Variants in CACNA1D observed in about 807,000 individuals in gnomAD.
CACNA1D encodes the protein calcium voltage-gated channel subunit alpha1 D, also known as voltage-dependent L-type calcium channel subunit alpha-1D.
Under a neutral mutation model 257.1 loss-of-function variants are expected in CACNA1D, and 55 were observed. The observed-to-expected ratio is 0.21, with a 90% confidence interval of 0.17 to 0.27. The LOEUF (loss-of-function observed/expected upper bound fraction) is 0.27, where lower values mean the gene tolerates loss of function less well. Ranked by LOEUF, CACNA1D falls within the 10% of genes least tolerant of loss-of-function variation. The pLI, the probability that CACNA1D is intolerant of heterozygous loss-of-function variation, is 1.00. For missense variants in CACNA1D, 1,876 were observed against 2,784.0 expected (o/e 0.67, Z 7.34); for synonymous variants, 980 against 1,014.9 (o/e 0.97, Z 0.65).
Position 53,619,124 on chromosome 3 carries a change from A to G in CACNA1D, c.484-31655A>G, listed in dbSNP as rs554902056. Among the ~76,000 whole-genome samples the G allele has an allele frequency of 2.6e-5, 4 of 152,292 alleles. No individual in the cohort carries two copies. In the South Asian group the frequency reaches 8.3e-4, roughly 32 times the overall value. ...ACAGTAGGTCCATTGGGCAGAAACC[A>G]CACCAATAAAACGGGCACACCCCAC... On this transcript the variant is annotated intron_variant, in intron 3 of 47. Coordinates refer to ENST00000350061, the MANE Select transcript of CACNA1D (RefSeq NM_001128840.3).
intron 30 of CACNA1D, 72 bp downstream of exon 30, chr3:53,762,153 C>T: frequency 2.1e-6 from 2 of 938,638 alleles, no homozygotes; most frequent in South Asian, 2.6e-5. Flanking sequence ...GCTCCCTGCC[C>T]TGCAGTGGCA....
chr3:53,549,661 AC>A (rs1339851307), intron 3 of CACNA1D, among the ~76,000 whole-genome samples: 1 of 152,232 alleles, frequency 6.6e-6, no homozygotes, highest in Non-Finnish European at 1.5e-5. Flanking sequence ...ACCCTAACTT[AC>A]AAGTTTCTTT....
chr3:53,713,543 T>TGTGAGAGAGAGA, intron 9 of CACNA1D, among the ~76,000 whole-genome samples: 1 of 121,010 alleles, frequency 8.3e-6, no homozygotes, highest in South Asian at 2.4e-4. Context: ...TGTGTGTGTG[T>TGTGAGAGAGAGA]GAGAGATTTG....
At chr3:53,760,128 G>T (rs1033952765) in intron 29 of CACNA1D, among the ~76,000 whole-genome samples, 26 of 152,126 alleles carry the variant, frequency 1.7e-4, no homozygotes, top group African/African-American at 6.0e-4. Flanking sequence ...TGGAGAGTTG[G>T]TTAGAAACCA....
chr3:53,723,967 A>G lies in CACNA1D; in HGVS notation c.2068A>G (p.Asn690Asp). 6.2e-7 allele frequency: 1 copy of G among 1,614,112 alleles called. No homozygotes were observed. Among genetic ancestry groups the G allele is most frequent in the Non-Finnish European group, 8.5e-7 (1 of 1,180,022 alleles). ...ETQTKRSTFD[N>D]FPQALLTVFQ... Reference sequence around the variant, plus strand: ...GCAAACCAAGCGGAGCACCTTTGACAATTTCCCTCAAGCACTTCTCACAGT... The same window carrying G: ...GCAAACCAAGCGGAGCACCTTTGACGATTTCCCTCAAGCACTTCTCACAGT... The change falls in exon 14 of 48, where the codon AAT (asparagine) becomes GAT (aspartate). Residue 690 changes from asparagine (N) to aspartate (D), a missense_variant. Physicochemically the swap from Asn to Asp is conservative, Grantham distance 23 (BLOSUM62 1). Transcript: ENST00000350061. This position sits in a 1 kb window ranked among gnomAD's most constrained non-coding sequence, Gnocchi z 5.6.
intron 4 of CACNA1D, among the ~76,000 whole-genome samples, chr3:53,657,742 C>G (rs1035622961): frequency 6.6e-6 from 1 of 152,230 alleles, no homozygotes. Flanking sequence ...CTACTCACTA[C>G]AGTTTCCAAC....
intron 3 of CACNA1D, among the ~76,000 whole-genome samples, chr3:53,557,275 A>G (rs2092662424): frequency 6.6e-6 from 1 of 152,058 alleles, no homozygotes; most frequent in African/African-American, 2.4e-5. Context: ...AGGGCGGGTC[A>G]CCTGAGGTCG....
At chr3:53,620,923 T>C (rs2093690188) in intron 3 of CACNA1D, among the ~76,000 whole-genome samples, 1 of 152,196 alleles carries the variant, frequency 6.6e-6, no homozygotes, top group African/African-American at 2.4e-5. Flanking sequence ...GAAGAAGGGA[T>C]GTGCCTGTCC....
intron 7 of CACNA1D, among the ~76,000 whole-genome samples, chr3:53,669,141 G>C (rs1028150296): frequency 3.3e-5 from 5 of 152,226 alleles, no homozygotes; most frequent in East Asian, 1.9e-4. Context: ...AAACACATCA[G>C]GATTGTTTTT....
chr3:53,652,056 C>T (rs1370770521), intron 4 of CACNA1D, among the ~76,000 whole-genome samples: 1 of 152,122 alleles, frequency 6.6e-6, no homozygotes, highest in African/African-American at 2.4e-5. Context: ...TCATTTAAGG[C>T]ATCATTGCAA....
In CACNA1D at chr3:53,548,911, G is replaced by C. The variant is rs959431363; in HGVS notation, c.483+47191G>C. ...CATATTCTCCTTGCCTGGAATACAG[G>C]AAATGAATTCAACATTCATTCATTG... On this transcript the variant is annotated intron_variant, in intron 3 of 47. Transcript: ENST00000350061. Among the ~76,000 whole-genome samples the C allele has an allele frequency of 2.0e-5, 3 of 152,162 alleles. No homozygotes were observed. The South Asian group carries it at 6.2e-4, about 32-fold the overall frequency.
chr3:53,672,897 T>A, intron 7 of CACNA1D, 126 bp from the exon 8 acceptor site: 1 of 676,020 alleles, frequency 1.5e-6, no homozygotes, highest in South Asian at 1.7e-5. Context: ...TGGCTACTGT[T>A]GTTTCTGATT....
intron 37 of CACNA1D, among the ~76,000 whole-genome samples, chr3:53,779,523 G>T (rs2095415363): frequency 6.6e-6 from 1 of 152,198 alleles, no homozygotes; most frequent in Non-Finnish European, 1.5e-5. Context: ...AAGCCCCATG[G>T]TCTGCCATCT....
At chr3:53,755,740 G>A (rs1039128209) in intron 29 of CACNA1D, among the ~76,000 whole-genome samples, 14 of 152,086 alleles carry the variant, frequency 9.2e-5, no homozygotes, top group African/African-American at 3.4e-4. Context: ...TATATCGTGT[G>A]CCGGGATGAG....
chr3:53,756,006 C>T (rs1468391446), intron 29 of CACNA1D, among the ~76,000 whole-genome samples: 1 of 152,146 alleles, frequency 6.6e-6, no homozygotes, highest in Non-Finnish European at 1.5e-5. Context: ...GAGCCTTTGT[C>T]TCATGGGAGG....
chr3:53,702,726 A>C lies in CACNA1D; in HGVS notation c.1306A>C (p.Lys436Gln), dbSNP rs2108590896. The C allele has an allele frequency of 6.2e-7, 1 of 1,614,228 alleles. No individual in the cohort carries two copies. Among genetic ancestry groups the C allele is most frequent in the South Asian group, 1.1e-5 (1 of 91,090 alleles). ...GAAGCAGCAGCTGGAGGAGGATCTA[A>C]AGGGCTACTTGGATTGGATCACCCA... is the stretch of plus-strand genomic sequence containing the variant. ...REKQQLEEDL[K>Q]GYLDWITQAE... Residue 436 changes from lysine to glutamine, a missense_variant, in exon 9 of 48, where the codon AAG (lysine) becomes CAG (glutamine). Lys to Gln is a moderately conservative substitution (Grantham distance 53). Around this residue, in one of 10 missense-constraint regions of CACNA1D, gnomAD observed 188 missense variants for 390.4 expected, o/e 0.48. Transcript: ENST00000350061.
At chr3:53,759,100 T>A (rs751089485) in intron 29 of CACNA1D, among the ~76,000 whole-genome samples, 7 of 152,190 alleles carry the variant, frequency 4.6e-5, no homozygotes, top group Non-Finnish European at 7.4e-5. Context: ...ATTAAGGGTG[T>A]CAACCTTCAG....
intron 3 of CACNA1D, among the ~76,000 whole-genome samples, chr3:53,611,241 T>G (rs1486698240): frequency 6.6e-6 from 1 of 152,056 alleles, no homozygotes; most frequent in Admixed American, 6.6e-5. Flanking sequence ...AAAAATTGGC[T>G]GGGGATGGTG....
chr3:53,804,919 C>A, intron 44 of CACNA1D, 64 bp from the exon 45 acceptor site: 2 of 1,461,980 alleles, frequency 1.4e-6, no homozygotes, highest in East Asian at 2.3e-5. Context: ...GGATGTCAGT[C>A]TGGCAGGGTT....
Sources: gnomAD v4.1 joint callset for allele counts (sites outside exome capture counted in the v4.1 genomes callset) on GRCh38, gnomAD v4.1.1 for gene constraint, gnomAD v4.1.1 regional missense constraint, Gnocchi (gnomAD v3.1) non-coding constraint, MANE v1.5 for transcripts, NCBI Gene and HGNC (gene_info 2026-07-23, HGNC 2026-07-21) for gene names.